Variants in SUCLG2 observed in about 807,000 individuals in gnomAD.
SUCLG2 encodes succinate-CoA ligase GDP-forming subunit beta.
Under a neutral mutation model 47.9 loss-of-function variants are expected in SUCLG2, and 42 were observed. The ratio of observed to expected loss-of-function variants is 0.88; its 90% CI spans 0.69 to 1.14. The LOEUF (loss-of-function observed/expected upper bound fraction) is 1.14, where lower values mean the gene tolerates loss of function less well. SUCLG2 is among the 50% of genes most tolerant of loss of function. SUCLG2 has a pLI of 0.00. For synonymous variants in SUCLG2, 195 were observed against 197.3 expected (o/e 0.99, Z 0.10); for missense variants, 571 against 525.9 (o/e 1.09, Z -0.84).
chr3:67,524,698 C>T (rs927162383), intron 4 of SUCLG2, among the ~76,000 whole-genome samples: 13 of 152,030 alleles, frequency 8.6e-5, no homozygotes, highest in Admixed American at 5.2e-4. Context: ...CTATTCTTCC[C>T]GCTAAGTACA....
At chr3:67,457,043 T>C (rs1490258108) in intron 9 of SUCLG2, among the ~76,000 whole-genome samples, 1 of 152,238 alleles carries the variant, frequency 6.6e-6, no homozygotes, top group Non-Finnish European at 1.5e-5. Flanking sequence ...CAAGTCATCA[T>C]ATAATAACAT....
chr3:67,570,731 G>A (rs1707584581), intron 2 of SUCLG2, among the ~76,000 whole-genome samples: 1 of 152,122 alleles, frequency 6.6e-6, no homozygotes, highest in South Asian at 2.1e-4. Flanking sequence ...ACGACAGGAG[G>A]GTAATGCATC....
intron 9 of SUCLG2, among the ~76,000 whole-genome samples, chr3:67,457,473 G>A (rs1322624541): frequency 6.6e-6 from 1 of 152,028 alleles, no homozygotes; most frequent in Non-Finnish European, 1.5e-5. Context: ...ACTCAGACCT[G>A]CTTGAATTGG....
chr3:67,532,462 AATTAT>A (rs1157329729), intron 2 of SUCLG2, among the ~76,000 whole-genome samples: 1 of 152,156 alleles, frequency 6.6e-6, no homozygotes, highest in African/African-American at 2.4e-5. Context: ...AGACATTGAT[AATTAT>A]ATTATTGGAC....
intron 10 of SUCLG2, among the ~76,000 whole-genome samples, chr3:67,387,457 A>G (rs1702283899): frequency 6.6e-6 from 1 of 152,182 alleles, no homozygotes; most frequent in Admixed American, 6.5e-5. Context: ...AAATGAATGC[A>G]CACTACGATT....
At chr3:67,467,147 C>T (rs1031852721) in intron 9 of SUCLG2, among the ~76,000 whole-genome samples, 4 of 152,280 alleles carry the variant, frequency 2.6e-5, no homozygotes, top group Admixed American at 2.6e-4. Context: ...AGGAGAATTT[C>T]TAAATGTTCT....
chr3:67,373,662 G>A (rs1339376811), downstream of SUCLG2, among the ~76,000 whole-genome samples: 1 of 152,184 alleles, frequency 6.6e-6, no homozygotes, highest in African/African-American at 2.4e-5. Flanking sequence ...ATTCAATTTT[G>A]GGAGGTGTCT....
intron 9 of SUCLG2, among the ~76,000 whole-genome samples, chr3:67,479,814 T>C (rs1465226705): frequency 6.6e-6 from 1 of 152,214 alleles, no homozygotes; most frequent in Admixed American, 6.5e-5. Flanking sequence ...CAACTTGATG[T>C]AGTCTACTTT....
rs1205928908 is a variant in SUCLG2, at chr3:67,443,476, G to A, written c.1063-42625C>T. Among the ~76,000 whole-genome samples, 10 of 74,168 alleles carry A rather than the reference G, an allele frequency of 1.3e-4. 4 individuals carry two copies. Among genetic ancestry groups the A allele is most frequent in the Admixed American group, 3.1e-4 (2 of 6,514 alleles). 48.7% of individuals were successfully genotyped at this position (74,168 alleles called of 152,430 possible). Reference sequence around the variant, plus strand: ...GCAGCCTCTGCCCGGCCGCCACCCCGTCTGGGAAGTGAGGAGTGTCTGTGC... The same window carrying A: ...GCAGCCTCTGCCCGGCCGCCACCCCATCTGGGAAGTGAGGAGTGTCTGTGC... On this transcript the variant is annotated intron_variant, in intron 9 of 10. Coordinates refer to ENST00000307227, the MANE Select transcript of SUCLG2 (RefSeq NM_003848.4).
At chr3:67,645,199 C>T (rs576524388) in intron 1 of SUCLG2, among the ~76,000 whole-genome samples, 1 of 152,162 alleles carries the variant, frequency 6.6e-6, no homozygotes, top group Admixed American at 6.5e-5. Context: ...GTAAGTCTCC[C>T]CACATATTAA....
intron 2 of SUCLG2, among the ~76,000 whole-genome samples, chr3:67,545,524 T>A (rs755553175): frequency 2.0e-5 from 3 of 152,250 alleles, no homozygotes; most frequent in Non-Finnish European, 4.4e-5. Context: ...AATCTAAGTC[T>A]ATTGCTCGAA....
Position 67,424,527 on chromosome 3 carries a change from C to A in SUCLG2, c.1063-23676G>T, listed in dbSNP as rs528290135. ...AATACGGAATATAGTGTAAAATTGC[C>A]CGGGCTCAACATACTAGCTATACCC... On this transcript the variant is annotated intron_variant, in intron 9 of 10. Transcript: ENST00000307227. 2.6e-5 allele frequency among the ~76,000 whole-genome samples: 4 copies of A among 152,212 alleles called. No individual in the cohort carries two copies. The South Asian group carries it at 8.3e-4, about 32-fold the overall frequency.
intron 9 of SUCLG2, among the ~76,000 whole-genome samples, chr3:67,446,426 T>G (rs1181256617): frequency 1.1e-4 from 10 of 88,208 alleles, no homozygotes; most frequent in East Asian, 6.4e-4. Context: ...CATTTTTTTT[T>G]TTTTTTTTTT....
At chr3:67,577,665 A>C (rs1012005045) in intron 2 of SUCLG2, among the ~76,000 whole-genome samples, 1 of 152,190 alleles carries the variant, frequency 6.6e-6, no homozygotes, top group African/African-American at 2.4e-5. Context: ...TCTCTACCAG[A>C]GCCTCTGTCT....
chr3:67,545,813 T>G (rs529141004), intron 2 of SUCLG2, among the ~76,000 whole-genome samples: 1 of 152,194 alleles, frequency 6.6e-6, no homozygotes, highest in Non-Finnish European at 1.5e-5. Flanking sequence ...TTAATTTGCA[T>G]GTTTGACTAT....
chr3:67,405,787 A>G (rs1702791039), intron 9 of SUCLG2, among the ~76,000 whole-genome samples: 1 of 152,248 alleles, frequency 6.6e-6, no homozygotes, highest in Non-Finnish European at 1.5e-5. Context: ...TAGAGTTGAT[A>G]TATGAATAGC....
chr3:67,651,708 T>C (rs1416555945), intron 1 of SUCLG2, among the ~76,000 whole-genome samples: 2 of 152,254 alleles, frequency 1.3e-5, no homozygotes, highest in Non-Finnish European at 2.9e-5. Context: ...ATTCAGTTTA[T>C]GAAAATTCAT....
At chr3:67,496,741 C>T (rs927694777) in intron 8 of SUCLG2, among the ~76,000 whole-genome samples, 1 of 151,788 alleles carries the variant, frequency 6.6e-6, no homozygotes, top group East Asian at 1.9e-4. Context: ...TTTTATTGAT[C>T]AATTGCACTT....
At chr3:67,403,306 T>C (rs947336869) in intron 9 of SUCLG2, among the ~76,000 whole-genome samples, 1 of 152,154 alleles carries the variant, frequency 6.6e-6, no homozygotes, top group East Asian at 1.9e-4. Context: ...GCAACTCCCG[T>C]GTTTGGATCA....
Sources: gnomAD v4.1 joint callset for allele counts (sites outside exome capture counted in the v4.1 genomes callset) on GRCh38, gnomAD v4.1.1 for gene constraint, MANE v1.5 for transcripts, NCBI Gene and HGNC (gene_info 2026-07-23, HGNC 2026-07-21) for gene names.